PTPRD: variants seen among roughly 807,000 people sequenced by gnomAD.
The protein encoded by PTPRD is protein tyrosine phosphatase receptor type D.
A neutral mutation model predicts 214.5 loss-of-function variants in PTPRD; 34 were observed. The observed-to-expected ratio is 0.16, with a 90% CI of 0.12 to 0.21. The LOEUF is 0.21. Among genes scored for constraint, PTPRD ranks in the 10% least tolerant of loss-of-function variants. The pLI, the probability that PTPRD is intolerant of heterozygous loss-of-function variation, is 1.00. For synonymous variants in PTPRD, 1,128 were observed against 845.7 expected (o/e 1.33, Z -5.79); for missense variants, 2,545 against 2,398.7 (o/e 1.06, Z -1.27).
intron 5 of PTPRD, among the ~76,000 whole-genome samples, chr9:9,899,839 C>T (rs944699729): frequency 5.3e-5 from 8 of 152,022 alleles, no homozygotes; most frequent in Non-Finnish European, 1.0e-4. Flanking sequence ...ATTTATTATA[C>T]ATGCAGATGG....
At chr9:10,116,751 C>T (rs1404400022) in intron 3 of PTPRD, among the ~76,000 whole-genome samples, 1 of 152,124 alleles carries the variant, frequency 6.6e-6, no homozygotes, top group Non-Finnish European at 1.5e-5. Flanking sequence ...TGGCTTGACT[C>T]ATAGTGAAGT....
At chr9:10,428,630 T>C (rs976432726) in intron 2 of PTPRD, among the ~76,000 whole-genome samples, 1 of 152,116 alleles carries the variant, frequency 6.6e-6, no homozygotes, top group Non-Finnish European at 1.5e-5. Flanking sequence ...GAGGATGTTA[T>C]TTTTAATAAA....
At chr9:8,570,583 G>C (rs1005540820) in intron 14 of PTPRD, among the ~76,000 whole-genome samples, 20 of 152,022 alleles carry the variant, frequency 1.3e-4, no homozygotes, top group Non-Finnish European at 2.9e-5. Context: ...TTACACCAAT[G>C]ACTGCCCGTT....
intron 10 of PTPRD, among the ~76,000 whole-genome samples, chr9:9,089,454 G>A (rs534476849): frequency 5.3e-5 from 8 of 152,180 alleles, no homozygotes; most frequent in Admixed American, 3.9e-4. Context: ...TTTGATCTGC[G>A]GCAGGCCATT....
intron 9 of PTPRD, among the ~76,000 whole-genome samples, chr9:9,390,136 C>T (rs1184355847): frequency 6.6e-6 from 1 of 152,102 alleles, no homozygotes; most frequent in Non-Finnish European, 1.5e-5. Flanking sequence ...GTCCTCCAGC[C>T]TGACATTGGT....
At chr9:9,904,044 A>G (rs2077000627) in intron 5 of PTPRD, among the ~76,000 whole-genome samples, 1 of 152,132 alleles carries the variant, frequency 6.6e-6, no homozygotes, top group Non-Finnish European at 1.5e-5. Flanking sequence ...TCAGTCCTCC[A>G]GGTGCACTGA....
At chr9:10,317,990 C>T (rs951715926) in intron 3 of PTPRD, among the ~76,000 whole-genome samples, 1 of 151,902 alleles carries the variant, frequency 6.6e-6, no homozygotes, top group Non-Finnish European at 1.5e-5. Flanking sequence ...GTTTTTTTAT[C>T]TAAAATTTAA....
chr9:9,289,908 C>CA lies in PTPRD; in HGVS notation c.-202-106546dup, dbSNP rs59045736. On this transcript the variant is annotated intron_variant, in intron 9 of 45. Transcript: ENST00000381196. ...ATCTTAGCTATTGTGAATAATGCTG[C>CA]AAAAAAACATAGCACTGCAGATATT... 7.2e-3 allele frequency among the ~76,000 whole-genome samples: 1,092 copies of CA among 151,648 alleles called. 11 individuals are homozygous for CA. The highest frequency in any genetic ancestry group is 0.025 in the African/African-American group (1,042 of 41,450).
In PTPRD at chr9:10,309,520, TTC is replaced by T. The variant is rs200249851; in HGVS notation, c.-545+31441_-545+31442del. Among the ~76,000 whole-genome samples the T allele has an allele frequency of 7.8e-3, 690 of 88,084 alleles. 10 individuals are homozygous for T. The highest frequency in any genetic ancestry group is 0.034 in the African/African-American group (556 of 16,596). 57.8% of individuals were successfully genotyped at this position (88,084 alleles called of 152,430 possible). A position where few individuals can be genotyped will look rare whatever the true frequency, so the allele number is the denominator to read the frequency against. On this transcript the variant is annotated intron_variant, in intron 3 of 45. Transcript: ENST00000381196. ...GGCATGCACCACCACATCCAGCTATTTCTTTTTTTTTTTTTTGTATTTTTAGT... is the reference window on the plus strand; with the variant it reads ...GGCATGCACCACCACATCCAGCTATTTTTTTTTTTTTTTTGTATTTTTAGT...
At chr9:10,314,678 A>G (rs2096373084) in intron 3 of PTPRD, among the ~76,000 whole-genome samples, 1 of 151,946 alleles carries the variant, frequency 6.6e-6, no homozygotes, top group Non-Finnish European at 1.5e-5. Context: ...GATGATACAG[A>G]TAAATAAATA....
rs564122965 is a variant in PTPRD, at chr9:9,980,613, A to C, written c.-471-42003T>G. 3.8e-3 allele frequency among the ~76,000 whole-genome samples: 76 copies of C among 20,150 alleles called. 2 individuals carry two copies. The South Asian group carries it at 0.038, about 10-fold the overall frequency. 13.2% of individuals were successfully genotyped at this position (20,150 alleles called of 152,430 possible). On this transcript the variant is annotated intron_variant, in intron 4 of 45. Coordinates refer to ENST00000381196, the MANE Select transcript of PTPRD (RefSeq NM_002839.4). ...AACAGAGTGAGACACCTTGTCAAAAAAAAACAAAAAAAAAAAAAAAACAAA... is the reference window on the plus strand; with the variant it reads ...AACAGAGTGAGACACCTTGTCAAAACAAAACAAAAAAAAAAAAAAAACAAA...
chr9:9,693,572 A>G (rs1241082718), intron 7 of PTPRD, among the ~76,000 whole-genome samples: 1 of 152,106 alleles, frequency 6.6e-6, no homozygotes, highest in Non-Finnish European at 1.5e-5. Flanking sequence ...AGGTAGTCTT[A>G]TTTAGGTTAA....
At chr9:9,405,855 T>C (rs572118033) in intron 8 of PTPRD, among the ~76,000 whole-genome samples, 1 of 152,132 alleles carries the variant, frequency 6.6e-6, no homozygotes, top group African/African-American at 2.4e-5. Flanking sequence ...TTGATGTTTG[T>C]CCTTTGGCTT....
intron 36 of PTPRD, among the ~76,000 whole-genome samples, chr9:8,393,136 G>C (rs1011453840): frequency 6.6e-6 from 1 of 152,034 alleles, no homozygotes. Context: ...CCACTTTTTG[G>C]GGGGTGACTT....
chr9:8,651,239 TCA>T (rs2096800630), intron 12 of PTPRD, among the ~76,000 whole-genome samples: 1 of 152,176 alleles, frequency 6.6e-6, no homozygotes, highest in Non-Finnish European at 1.5e-5. Context: ...CTCTGCATTT[TCA>T]CACAGTGGCC....
intron 9 of PTPRD, among the ~76,000 whole-genome samples, chr9:9,325,682 A>G (rs1051545708): frequency 6.6e-6 from 1 of 152,112 alleles, no homozygotes; most frequent in Non-Finnish European, 1.5e-5. Context: ...AATACCCTTT[A>G]TCTCTTTCTC....
intron 11 of PTPRD, among the ~76,000 whole-genome samples, chr9:9,002,069 A>G (rs1381596703): frequency 6.6e-6 from 1 of 151,846 alleles, no homozygotes; most frequent in Non-Finnish European, 1.5e-5. Context: ...CTCTAATCAA[A>G]TCACTCTAAT....
chr9:10,265,697 C>A (rs1000845267), intron 3 of PTPRD, among the ~76,000 whole-genome samples: 1 of 152,068 alleles, frequency 6.6e-6, no homozygotes, highest in Non-Finnish European at 1.5e-5. Context: ...AAACAGGCAG[C>A]AAAAATAAAT....
chr9:9,938,263 A>C (rs1335601577), intron 5 of PTPRD, among the ~76,000 whole-genome samples: 1 of 152,192 alleles, frequency 6.6e-6, no homozygotes, highest in Non-Finnish European at 1.5e-5. Flanking sequence ...CTCAGTTCAG[A>C]AAGAAATCCA....
Sources: allele counts gnomAD v4.1 joint callset (sites outside exome capture counted in the v4.1 genomes callset), GRCh38; gene constraint gnomAD v4.1.1; transcripts MANE v1.5; gene names NCBI Gene and HGNC (gene_info 2026-07-23, HGNC 2026-07-21).